PTPRT: variants seen among roughly 807,000 people sequenced by gnomAD.
The protein encoded by PTPRT is receptor-type tyrosine-protein phosphatase T.
A neutral mutation model predicts 176.8 loss-of-function variants in PTPRT; 56 were observed. The ratio of observed to expected loss-of-function variants is 0.32; its 90% CI spans 0.26 to 0.40. The LOEUF is 0.40. Among genes scored for constraint, PTPRT ranks in the 10% least tolerant of loss-of-function variants. PTPRT has a pLI of 1.00. For missense variants in PTPRT, 1,540 were observed against 1,908.2 expected, an observed-to-expected ratio of 0.81 and a Z score of 3.60; for synonymous variants, 783 against 739.0, an observed-to-expected ratio of 1.06 and a Z score of -0.96.
At chr20:42,704,518 T>C (rs2076022307) in intron 6 of PTPRT, among the ~76,000 whole-genome samples, 1 of 152,144 alleles carries the variant, frequency 6.6e-6, no homozygotes, top group Non-Finnish European at 1.5e-5. Flanking sequence ...CTCCATGTCA[T>C]GCATGCCATC....
At chr20:42,998,813 C>T (rs914654802) in intron 1 of PTPRT, among the ~76,000 whole-genome samples, 4 of 152,202 alleles carry the variant, frequency 2.6e-5, no homozygotes, top group African/African-American at 7.2e-5. Context: ...GACCGAGTGA[C>T]TTGCCCACTG....
chr20:42,299,740 T>C (rs1269841170), intron 12 of PTPRT, among the ~76,000 whole-genome samples: 1 of 141,114 alleles, frequency 7.1e-6, no homozygotes. Flanking sequence ...CTCCGCCTTC[T>C]GGTTTCAAGC....
At chr20:42,575,357 G>A (rs778587845) in intron 7 of PTPRT, among the ~76,000 whole-genome samples, 3 of 152,212 alleles carry the variant, frequency 2.0e-5, no homozygotes, top group African/African-American at 4.8e-5. Context: ...AGAAGGCTGT[G>A]AAGAGCCAGC....
At chr20:43,133,964 C>G (rs1741252627) in intron 1 of PTPRT, among the ~76,000 whole-genome samples, 1 of 151,992 alleles carries the variant, frequency 6.6e-6, no homozygotes, top group African/African-American at 2.4e-5. Context: ...TTTGAAAACT[C>G]CTGCATTAGA....
At chr20:42,067,483 C>A in the PTPRT span, among the ~76,000 whole-genome samples, 1 of 151,920 alleles carries the variant, frequency 6.6e-6, no homozygotes, top group Non-Finnish European at 1.5e-5. Context: ...ATACTCTCCA[C>A]CCCACTGGTC....
chr20:42,252,452 G>A (rs2056563488), intron 13 of PTPRT, among the ~76,000 whole-genome samples: 2 of 152,120 alleles, frequency 1.3e-5, no homozygotes, highest in African/African-American at 4.8e-5. Flanking sequence ...GAGACTTGAG[G>A]GTCTGCAGTA....
intron 19 of PTPRT, among the ~76,000 whole-genome samples, chr20:42,123,067 A>C (rs6130042): frequency 6.6e-6 from 1 of 152,050 alleles, no homozygotes; most frequent in Admixed American, 6.5e-5. Context: ...GACATGGGAC[A>C]TGCCACCCAG....
chr20:42,102,511 A>G (rs554635056), intron 25 of PTPRT, among the ~76,000 whole-genome samples: 20 of 152,126 alleles, frequency 1.3e-4, no homozygotes, highest in Non-Finnish European at 2.5e-4. Context: ...GACACCTTCA[A>G]AACGCCAAGG....
intron 9 of PTPRT, among the ~76,000 whole-genome samples, chr20:42,359,526 CAA>C: frequency 6.6e-6 from 1 of 152,304 alleles, no homozygotes; most frequent in African/African-American, 2.4e-5. Context: ...TTCATGAAGG[CAA>C]AGAGTGTGGG....
At chr20:42,320,440 T>C (rs1600830681) in intron 11 of PTPRT, among the ~76,000 whole-genome samples, 1 of 152,226 alleles carries the variant, frequency 6.6e-6, no homozygotes, top group African/African-American at 2.4e-5. Flanking sequence ...CTAGGAGGTG[T>C]ATCCTTTCAG....
intron 7 of PTPRT, among the ~76,000 whole-genome samples, chr20:42,481,635 A>AT (rs879421678): frequency 1.7e-4 from 25 of 148,422 alleles, no homozygotes; most frequent in East Asian, 3.9e-4. Context: ...GTTTTTTTTA[A>AT]TTTTTTTTTT....
At chr20:42,434,708 T>C (rs2059246645) in intron 9 of PTPRT, among the ~76,000 whole-genome samples, 1 of 148,502 alleles carries the variant, frequency 6.7e-6, no homozygotes, top group South Asian at 2.1e-4. Context: ...ATGCCTGTAA[T>C]CCCAGCACTT....
intron 9 of PTPRT, among the ~76,000 whole-genome samples, chr20:42,419,600 A>G (rs2059097984): frequency 6.6e-6 from 1 of 151,652 alleles, no homozygotes; most frequent in Admixed American, 6.6e-5. Flanking sequence ...AGCTTTGAGT[A>G]CTCCTTTTAT....
intron 15 of PTPRT, among the ~76,000 whole-genome samples, chr20:42,228,152 A>G (rs540555796): frequency 6.6e-6 from 1 of 152,362 alleles, no homozygotes; most frequent in South Asian, 2.1e-4. Context: ...GTTTAAAAGT[A>G]ATTGCGGTTT....
At chr20:42,266,119 C>G (rs528389019) in intron 13 of PTPRT, among the ~76,000 whole-genome samples, 1 of 152,146 alleles carries the variant, frequency 6.6e-6, no homozygotes, top group Non-Finnish European at 1.5e-5. Context: ...CATGATTAGG[C>G]CTGGCTGTAC....
Position 42,130,697 on chromosome 20 carries a change from G to A in PTPRT, c.2771-1867C>T, listed in dbSNP as rs745497964. ...ATCTGCCATGTGGCAGGCAGGCACT[G>A]TGCTAGACAGCAAGTTATACTAAAT... On this transcript the variant is annotated intron_variant, in intron 18 of 30. Coordinates refer to ENST00000373187, the MANE Select transcript of PTPRT (RefSeq NM_007050.6). Among the ~76,000 whole-genome samples the A allele has an allele frequency of 7.9e-4, 120 of 152,188 alleles. 1 individual carries two copies. The highest frequency in any genetic ancestry group is 5.2e-4 in the Admixed American group (8 of 15,284).
chr20:42,722,344 C>T (rs557512278), intron 6 of PTPRT, among the ~76,000 whole-genome samples: 9 of 152,320 alleles, frequency 5.9e-5, no homozygotes, highest in African/African-American at 2.2e-4. Flanking sequence ...CTTACCAGAA[C>T]ATCTCTGGCT....
intron 1 of PTPRT, among the ~76,000 whole-genome samples, chr20:42,929,361 TAAAG>T (rs1979686175): frequency 6.6e-6 from 1 of 152,222 alleles, no homozygotes; most frequent in Non-Finnish European, 1.5e-5. Flanking sequence ...TGTTAAGTAA[TAAAG>T]AAGGACATTA....
In PTPRT at chr20:42,710,376, C is replaced by T. The variant is rs765052472; in HGVS notation, c.860-32217G>A. Among the ~76,000 whole-genome samples the T allele has an allele frequency of 9.8e-4, 149 of 152,326 alleles. 1 individual carries two copies. The highest frequency in any genetic ancestry group is 1.7e-3 in the Non-Finnish European group (118 of 68,030). On this transcript the variant is annotated intron_variant, in intron 6 of 30. Transcript: ENST00000373187. The stretch of plus-strand genomic sequence containing the variant: ...GGTTTTAGGGGCCAGGCATGGGACC[C>T]TTCTGCCCTGCCCAGCCTCAGGACA...
Sources: gnomAD v4.1 joint callset for allele counts (sites outside exome capture counted in the v4.1 genomes callset) on GRCh38, gnomAD v4.1.1 for gene constraint, MANE v1.5 for transcripts, NCBI Gene and HGNC (gene_info 2026-07-23, HGNC 2026-07-21) for gene names.